The following PDZRN4 variants were observed in gnomAD, a reference collection of about 807,000 sequenced individuals.
PDZRN4 encodes PDZ domain containing ring finger 4.
PDZRN4 carries 70 observed loss-of-function variants against 99.0 expected under a neutral mutation model. The observed-to-expected ratio is 0.71, with a 90% CI of 0.58 to 0.86. The LOEUF (loss-of-function observed/expected upper bound fraction) is 0.86. Among genes scored for constraint, PDZRN4 ranks in the 40% least tolerant of loss-of-function variants. The probability of loss-of-function intolerance (pLI) is 0.00; values close to 1 mark genes in which losing one functional copy is unlikely to be tolerated. For missense variants in PDZRN4, 1,474 were observed against 1,331.2 expected (o/e 1.11, Z -1.67); for synonymous variants, 551 against 501.6 (o/e 1.10, Z -1.32).
At chr12:41,222,306 G>A (rs1202736175) in intron 3 of PDZRN4, among the ~76,000 whole-genome samples, 2 of 152,134 alleles carry the variant, frequency 1.3e-5, no homozygotes, top group African/African-American at 4.8e-5. Context: ...ATTTTGGAAT[G>A]TCCTTTTCGG....
intron 3 of PDZRN4, among the ~76,000 whole-genome samples, chr12:41,250,983 T>C (rs906262820): frequency 6.6e-6 from 1 of 152,226 alleles, no homozygotes; most frequent in Non-Finnish European, 1.5e-5. Context: ...CAACTTTTGG[T>C]AGTCATTGCT....
chr12:41,390,214 TA>T (rs1430538111), intron 3 of PDZRN4, among the ~76,000 whole-genome samples: 2 of 152,148 alleles, frequency 1.3e-5, no homozygotes, highest in Non-Finnish European at 2.9e-5. Context: ...CAGGAGTAAT[TA>T]AGTATTACTG....
chr12:41,216,199 T>A (rs1206583373), intron 3 of PDZRN4, among the ~76,000 whole-genome samples: 2 of 152,040 alleles, frequency 1.3e-5, no homozygotes, highest in Non-Finnish European at 2.9e-5. Context: ...AGTATTGTTC[T>A]GGACATTATA....
At position 41,498,029 on chromosome 12, in the gene PDZRN4, G is replaced by T. The variant is rs574471290; in HGVS notation, c.844-8427G>T. Among the ~76,000 whole-genome samples the T allele has an allele frequency of 2.0e-5, 3 of 151,762 alleles. No homozygotes were observed. In the South Asian group the frequency reaches 6.3e-4, roughly 32 times the overall value. On this transcript the variant is annotated intron_variant, in intron 3 of 9. Coordinates refer to ENST00000402685, the MANE Select transcript of PDZRN4 (RefSeq NM_001164595.2). ...AAAAATTATGAGAATAAAAAATAAT[G>T]ATTTTAAGTTCCAAGAATAGTATAA...
At chr12:41,310,076 G>A (rs1951596505) in intron 3 of PDZRN4, among the ~76,000 whole-genome samples, 1 of 152,024 alleles carries the variant, frequency 6.6e-6, no homozygotes. Context: ...AGGACTACAG[G>A]TACATACCAC....
At chr12:41,296,222 G>T (rs1377022876) in intron 3 of PDZRN4, among the ~76,000 whole-genome samples, 1 of 152,128 alleles carries the variant, frequency 6.6e-6, no homozygotes, top group Non-Finnish European at 1.5e-5. Flanking sequence ...GATTCTAAAG[G>T]ATTTCATTAA....
chr12:41,423,987 G>T (rs1278461365), intron 3 of PDZRN4, among the ~76,000 whole-genome samples: 1 of 152,108 alleles, frequency 6.6e-6, no homozygotes, highest in Non-Finnish European at 1.5e-5. Flanking sequence ...CATGACTGTT[G>T]TATTCCAAAG....
intron 3 of PDZRN4, among the ~76,000 whole-genome samples, chr12:41,482,836 G>A (rs565035646): frequency 1.3e-5 from 2 of 152,046 alleles, no homozygotes; most frequent in Non-Finnish European, 2.9e-5. Flanking sequence ...TGGCACAAGT[G>A]TATTGGCCTT....
intron 3 of PDZRN4, among the ~76,000 whole-genome samples, chr12:41,454,929 C>T (rs532957705): frequency 6.6e-6 from 1 of 152,302 alleles, no homozygotes; most frequent in Admixed American, 6.5e-5. Context: ...GACTGTTGAA[C>T]AGTTGAAGTA....
intron 3 of PDZRN4, among the ~76,000 whole-genome samples, chr12:41,398,289 A>G (rs1952264906): frequency 6.6e-6 from 1 of 152,178 alleles, no homozygotes; most frequent in South Asian, 2.1e-4. Context: ...ATTAAGTTCA[A>G]TATAATTTTT....
intron 3 of PDZRN4, among the ~76,000 whole-genome samples, chr12:41,195,543 CACA>C (rs1298892797): frequency 6.6e-6 from 1 of 151,448 alleles, no homozygotes; most frequent in African/African-American, 2.4e-5. Context: ...GAAAAAAGAA[CACA>C]ACATTTATAA....
At chr12:41,203,606 T>C (rs77179714) in intron 3 of PDZRN4, among the ~76,000 whole-genome samples, 4,143 of 152,148 alleles carry the variant, frequency 0.027, 73 homozygotes, top group Middle Eastern at 0.054. Context: ...ATGAGGTTGG[T>C]ACTGTAGGTA....
At chr12:41,219,788 T>A (rs1286802988) in intron 3 of PDZRN4, among the ~76,000 whole-genome samples, 1 of 152,182 alleles carries the variant, frequency 6.6e-6, no homozygotes, top group Non-Finnish European at 1.5e-5. Flanking sequence ...ATCTCAAAGC[T>A]GTGTTATGCA....
intron 3 of PDZRN4, among the ~76,000 whole-genome samples, chr12:41,314,855 C>T (rs1248882195): frequency 1.3e-5 from 2 of 151,620 alleles, no homozygotes; most frequent in Non-Finnish European, 2.9e-5. Flanking sequence ...CCCTATGGTA[C>T]ATGTCCATTG....
chr12:41,279,110 A>G (rs1951367804), intron 3 of PDZRN4, among the ~76,000 whole-genome samples: 1 of 152,232 alleles, frequency 6.6e-6, no homozygotes, highest in Non-Finnish European at 1.5e-5. Flanking sequence ...AGTTACACGC[A>G]GGGTTCGGGT....
chr12:41,232,904 C>G (rs1951038241), intron 3 of PDZRN4, among the ~76,000 whole-genome samples: 1 of 152,002 alleles, frequency 6.6e-6, no homozygotes, highest in Admixed American at 6.6e-5. Context: ...GCCAATTTTC[C>G]ACACCATTTA....
At chr12:41,281,019 C>G (rs1172592800) in intron 3 of PDZRN4, among the ~76,000 whole-genome samples, 1 of 152,144 alleles carries the variant, frequency 6.6e-6, no homozygotes, top group Non-Finnish European at 1.5e-5. Flanking sequence ...GAGGAAGGAG[C>G]AGGCAGCAAT....
At chr12:41,380,501 T>G (rs1952116914) in intron 3 of PDZRN4, among the ~76,000 whole-genome samples, 2 of 152,060 alleles carry the variant, frequency 1.3e-5, no homozygotes, top group African/African-American at 4.8e-5. Context: ...CTTTCTTTAT[T>G]TACTACAGAT....
At position 41,399,296 on chromosome 12, in the gene PDZRN4, T is replaced by C. The variant is rs141639787; in HGVS notation, c.844-107160T>C. ...GCATATATAAACACATATGAAAGCA[T>C]AAGAGTATTAAAATTCAAATAGTGA... On this transcript the variant is annotated intron_variant, in intron 3 of 9. Transcript: ENST00000402685. Among the ~76,000 whole-genome samples the C allele has an allele frequency of 5.3e-4, 80 of 152,292 alleles. No individual in the cohort carries two copies. In the East Asian group the frequency reaches 0.014, roughly 27 times the overall value.
Sources: gnomAD v4.1 joint callset for allele counts (sites outside exome capture counted in the v4.1 genomes callset) on GRCh38, gnomAD v4.1.1 for gene constraint, MANE v1.5 for transcripts, NCBI Gene and HGNC (gene_info 2026-07-23, HGNC 2026-07-21) for gene names.